The following MIOS variants were observed in gnomAD, a reference collection of about 807,000 sequenced individuals.
MIOS encodes GATOR2 complex protein MIOS.
MIOS carries 52 observed loss-of-function variants against 96.9 expected under a neutral mutation model. The observed-to-expected ratio is 0.54, with a 90% CI of 0.43 to 0.68. The LOEUF (loss-of-function observed/expected upper bound fraction) is 0.68, where lower values mean the gene tolerates loss of function less well. Among genes scored for constraint, MIOS ranks in the 30% least tolerant of loss-of-function variants. The pLI is 0.00. For missense variants in MIOS, 1,005 were observed against 1,052.8 expected, an observed-to-expected ratio of 0.95 and a Z score of 0.63; for synonymous variants, 397 against 359.5, an observed-to-expected ratio of 1.10 and a Z score of -1.18.
At chr7:7,604,368 T>C (rs1387402480) in intron 11 of MIOS, among the ~76,000 whole-genome samples, 2 of 152,172 alleles carry the variant, frequency 1.3e-5, no homozygotes, top group Admixed American at 6.5e-5. Context: ...AGTTGATATT[T>C]TTATACTCAA....
chr7:7,606,611 A>C lies in MIOS; in HGVS notation c.2532-385A>C, dbSNP rs1335133999. On this transcript the variant is annotated intron_variant, in intron 12 of 12. Transcript: ENST00000340080. The stretch of plus-strand genomic sequence containing the variant: ...CTCTGAGCACATCCCTGTCACCTTC[A>C]CAACTATAAATGAAATATCTTGCCA... Among the ~76,000 whole-genome samples, 6 of 152,214 alleles carry C rather than the reference A, an allele frequency of 3.9e-5. No individual in the cohort carries two copies. The East Asian group carries it at 1.2e-3, about 29-fold the overall frequency.
At chr7:7,593,938 G>A (rs1333009796) in intron 9 of MIOS, among the ~76,000 whole-genome samples, 1 of 149,804 alleles carries the variant, frequency 6.7e-6, no homozygotes, top group Non-Finnish European at 1.5e-5. Flanking sequence ...AAGCATAGAT[G>A]AAATGTGGAA....
intron 12 of MIOS, among the ~76,000 whole-genome samples, chr7:7,606,345 G>A (rs1352404154): frequency 2.0e-5 from 3 of 152,076 alleles, no homozygotes; most frequent in Non-Finnish European, 4.4e-5. Flanking sequence ...TCGGGGAGAG[G>A]ATATGTTTAC....
chr7:7,567,143 A>G (rs1262754508), intron 1 of MIOS, 71 bp downstream of exon 1: 3 of 151,912 alleles, frequency 2.0e-5, no homozygotes, highest in Non-Finnish European at 4.4e-5. Flanking sequence ...GGCCGGAGAT[A>G]GCCTAGTTGA....
intron 9 of MIOS, among the ~76,000 whole-genome samples, chr7:7,590,248 C>T (rs189193820): frequency 1.3e-5 from 2 of 152,266 alleles, no homozygotes; most frequent in African/African-American, 2.4e-5. Context: ...TGCCCCCTCT[C>T]CCACTGCACC....
At chr7:7,606,159 AT>A (rs1784525034) in intron 12 of MIOS, 88 bp downstream of exon 12, 1 of 1,503,114 alleles carries the variant, frequency 6.7e-7, no homozygotes, top group Non-Finnish European at 9.0e-7. Context: ...ATCTATTAGC[AT>A]TTAGCCAAAG....
At chr7:7,593,479 G>T (rs1323594883) in intron 9 of MIOS, among the ~76,000 whole-genome samples, 1 of 152,062 alleles carries the variant, frequency 6.6e-6, no homozygotes, top group African/African-American at 2.4e-5. Context: ...CCTCAAGTAG[G>T]ACTGAGAAAA....
At chr7:7,577,311 G>A (rs577029392) in intron 5 of MIOS, among the ~76,000 whole-genome samples, 38 of 152,158 alleles carry the variant, frequency 2.5e-4, no homozygotes, top group Non-Finnish European at 4.9e-4. Flanking sequence ...ACTGAATTTA[G>A]GACTAGGAGA....
intron 7 of MIOS, among the ~76,000 whole-genome samples, chr7:7,587,844 A>G (rs1382035100): frequency 1.3e-5 from 2 of 152,218 alleles, no homozygotes; most frequent in African/African-American, 4.8e-5. Context: ...ATTTTTACAA[A>G]TTACAAAATT....
intron 11 of MIOS, among the ~76,000 whole-genome samples, chr7:7,603,926 G>A (rs1374232270): frequency 6.6e-6 from 1 of 152,008 alleles, no homozygotes; most frequent in Non-Finnish European, 1.5e-5. Flanking sequence ...CATGGATGAA[G>A]CTGGAAACCA....
rs151071687 is a variant in MIOS, at chr7:7,604,224, A to G, written c.2402-1718A>G. Among the ~76,000 whole-genome samples the G allele has an allele frequency of 9.2e-3, 1,398 of 152,248 alleles. 16 individuals are homozygous for G. The highest frequency in any genetic ancestry group is 0.051 in the South Asian group (248 of 4,820). On this transcript the variant is annotated intron_variant, in intron 11 of 12. Transcript: ENST00000340080. ...AAACTTTAATAATAATAAAATTTAA[A>G]AAAAAATAAAGTGCTGGCTAGTGGC...
At chr7:7,582,012 C>T (rs1048882779) in intron 5 of MIOS, among the ~76,000 whole-genome samples, 4 of 3,682 alleles carry the variant, frequency 1.1e-3, no homozygotes, top group African/African-American at 2.6e-3. Flanking sequence ...GTGTGGTTGG[C>T]GGGGCGGGAG....
chr7:7,596,553 GTTA>G (rs1784208541), intron 11 of MIOS, 92 bp downstream of exon 11: 12 of 1,254,354 alleles, frequency 9.6e-6, no homozygotes, highest in Non-Finnish European at 1.4e-5. Flanking sequence ...ACTAGCTAGA[GTTA>G]TTATTTCTAA....
chr7:7,597,477 T>G (rs1784239236), intron 11 of MIOS, among the ~76,000 whole-genome samples: 1 of 27,636 alleles, frequency 3.6e-5, no homozygotes, highest in Non-Finnish European at 6.8e-5. Flanking sequence ...TTTATATATA[T>G]ATATATATAT....
intron 10 of MIOS, among the ~76,000 whole-genome samples, chr7:7,595,781 G>A (rs987389541): frequency 3.9e-5 from 6 of 151,912 alleles, no homozygotes; most frequent in African/African-American, 1.5e-4. Context: ...AGCAATTTAC[G>A]GTAAAAACAA....
At position 7,589,497 on chromosome 7, in the gene MIOS, G is replaced by A; in HGVS notation, c.1977G>A (p.Val659=). 1 of 1,613,598 alleles carries A rather than the reference G, an allele frequency of 6.2e-7. No homozygotes were observed. Among genetic ancestry groups the A allele is most frequent in the Non-Finnish European group, 8.5e-7 (1 of 1,179,720 alleles). ...ILLTGLTKDG[V]DLMESYVDRT... ...TTACAGGCCTTACTAAAGATGGAGT[G>A]GACTTAATGGAGAGTTATGTTGATA... is the stretch of plus-strand genomic sequence containing the variant. Residue 659 remains valine (V), a synonymous_variant, in exon 9 of 13, where the codon GTG becomes GTA. Transcript: ENST00000340080.
chr7:7,582,147 G>T (rs746951370), intron 5 of MIOS, among the ~76,000 whole-genome samples: 1 of 152,032 alleles, frequency 6.6e-6, no homozygotes, highest in Non-Finnish European at 1.5e-5. Context: ...TTGCAGTATT[G>T]TATGTAAATA....
At chr7:7,576,547 A>C (rs1482390048) in intron 5 of MIOS, among the ~76,000 whole-genome samples, 1 of 152,218 alleles carries the variant, frequency 6.6e-6, no homozygotes, top group African/African-American at 2.4e-5. Context: ...AGAGCATAGC[A>C]CATTATTATG....
At chr7:7,584,298 GA>G (rs1162063064) in intron 6 of MIOS, among the ~76,000 whole-genome samples, 1 of 151,960 alleles carries the variant, frequency 6.6e-6, no homozygotes, top group East Asian at 1.9e-4. Flanking sequence ...GGTGATGATG[GA>G]AAAAAGAATT....
Sources: gnomAD v4.1 joint callset for allele counts (sites outside exome capture counted in the v4.1 genomes callset) on GRCh38, gnomAD v4.1.1 for gene constraint, MANE v1.5 for transcripts, NCBI Gene and HGNC (gene_info 2026-07-23, HGNC 2026-07-21) for gene names.